ANKRD55: variants seen among roughly 807,000 people sequenced by gnomAD.
ANKRD55 encodes the protein ankyrin repeat domain-containing protein 55.
ANKRD55 carries 41 observed loss-of-function variants against 60.6 expected under a neutral mutation model. The ratio of observed to expected loss-of-function variants is 0.68; its 90% CI spans 0.53 to 0.88. ANKRD55 has a LOEUF of 0.88. Ranked by LOEUF, ANKRD55 falls within the 40% of genes least tolerant of loss-of-function variation. The probability of loss-of-function intolerance (pLI) is 0.00; values close to 1 mark genes in which losing one functional copy is unlikely to be tolerated. For missense variants in ANKRD55, 732 were observed against 767.6 expected, an observed-to-expected ratio of 0.95 and a Z score of 0.55; for synonymous variants, 264 against 290.3, an observed-to-expected ratio of 0.91 and a Z score of 0.92.
chr5:56,127,220 A>G, intron 7 of ANKRD55, 114 bp from the exon 8 acceptor site: 5 of 1,330,966 alleles, frequency 3.8e-6, no homozygotes, highest in Non-Finnish European at 4.8e-6. Flanking sequence ...AGAAAGAAAA[A>G]AGATGAAAAG....
Position 56,183,580 on chromosome 5 carries a change from C to T in ANKRD55, c.113G>A (p.Gly38Glu). ...LTMVYQAASN[G>E]DVNALTAVIR... ...CACTGCAGTCAGAGCATTGACATCT[C>T]CATTAGAGGCTGCTTGATAAACCAT... Residue 38 changes from glycine to glutamate, a missense_variant, in exon 3 of 12, where the codon GGA becomes GAA. By Grantham distance (98) the Gly-to-Glu change is moderately conservative (BLOSUM62 -2). Around this residue, in one of 3 missense-constraint regions of ANKRD55, gnomAD observed 131 missense variants for 142.7 expected, o/e 0.92. Coordinates refer to ENST00000341048, the MANE Select transcript of ANKRD55 (RefSeq NM_024669.3). 1 of 1,614,206 alleles carries T rather than the reference C, an allele frequency of 6.2e-7. No homozygotes were observed. Among genetic ancestry groups the T allele is most frequent in the Non-Finnish European group, 8.5e-7 (1 of 1,180,024 alleles).
intron 7 of ANKRD55, chr5:56,127,444 C>A: frequency 3.0e-6 from 3 of 985,196 alleles, no homozygotes; most frequent in Non-Finnish European, 3.6e-6. Flanking sequence ...TAGACAACAA[C>A]TTGCTCATTA....
At chr5:56,202,735 T>G (rs1561290857) in intron 2 of ANKRD55, among the ~76,000 whole-genome samples, 2 of 152,170 alleles carry the variant, frequency 1.3e-5, no homozygotes, top group Non-Finnish European at 2.9e-5. Context: ...TGCAATCAGA[T>G]CTTTCTTCCT....
intron 11 of ANKRD55, among the ~76,000 whole-genome samples, chr5:56,101,662 C>T (rs558903228): frequency 1.3e-5 from 2 of 152,030 alleles, no homozygotes; most frequent in Non-Finnish European, 2.9e-5. Context: ...CCAGGTAATA[C>T]TTAGGCACAC....
chr5:56,146,346 G>A (rs1757895574), intron 6 of ANKRD55, among the ~76,000 whole-genome samples: 2 of 151,218 alleles, frequency 1.3e-5, no homozygotes, highest in African/African-American at 2.4e-5. Context: ...GTGCAATGGC[G>A]CAATTTCGGC....
At chr5:56,206,298 C>G (rs1759508180) in intron 2 of ANKRD55, among the ~76,000 whole-genome samples, 1 of 152,132 alleles carries the variant, frequency 6.6e-6, no homozygotes, top group South Asian at 2.1e-4. Context: ...TTTCCACATT[C>G]CTTCTTAAAA....
At chr5:56,212,086 ACACG>A (rs1318903585) in intron 2 of ANKRD55, among the ~76,000 whole-genome samples, 5,237 of 85,304 alleles carry the variant, frequency 0.061, 337 homozygotes, top group African/African-American at 0.23. Flanking sequence ...ACACACACAC[ACACG>A]CGTACCTATA....
chr5:56,135,347 CTTTCT>C (rs1482427746), intron 7 of ANKRD55, among the ~76,000 whole-genome samples: 1 of 30,630 alleles, frequency 3.3e-5, no homozygotes, highest in Non-Finnish European at 6.4e-5. Context: ...TTCTTTCTTT[CTTTCT>C]TTCTTTCTTT....
chr5:56,166,201 C>CCTTCCTTCCTTCCT lies in ANKRD55; in HGVS notation c.422+4492_422+4493insAGGAAGGAAGGAAG, dbSNP rs759875553. 4.0e-3 allele frequency among the ~76,000 whole-genome samples: 471 copies of CCTTCCTTCCTTCCT among 117,464 alleles called. 23 individuals are homozygous for CCTTCCTTCCTTCCT. The highest frequency in any genetic ancestry group is 8.3e-3 in the African/African-American group (223 of 26,942). 77.1% of individuals were successfully genotyped at this position (117,464 alleles called of 152,430 possible). On this transcript the variant is annotated intron_variant, in intron 5 of 11. Coordinates refer to ENST00000341048, the MANE Select transcript of ANKRD55 (RefSeq NM_024669.3). Reference sequence around the variant, plus strand: ...TCCTTCCTTCCTTCCTTCCTTCCTTCTCTCTCTCTCTCTCTCTTTCTTTCT... The same window carrying CCTTCCTTCCTTCCT: ...TCCTTCCTTCCTTCCTTCCTTCCTTCCTTCCTTCCTTCCTTCTCTCTCTCTCTCTCTTTCTTTCT...
At chr5:56,116,190 G>T (rs561306939) in intron 9 of ANKRD55, among the ~76,000 whole-genome samples, 1 of 152,196 alleles carries the variant, frequency 6.6e-6, no homozygotes, top group Admixed American at 6.5e-5. Context: ...AAATATTGAC[G>T]GGTTTGACTC....
At chr5:56,189,310 CAAAA>C (rs201026805) in intron 2 of ANKRD55, among the ~76,000 whole-genome samples, 1 of 89,686 alleles carries the variant, frequency 1.1e-5, no homozygotes, top group African/African-American at 4.7e-5. Flanking sequence ...GACTCTGTCT[CAAAA>C]AAAAAAAAAA....
intron 10 of ANKRD55, among the ~76,000 whole-genome samples, chr5:56,103,694 T>G (rs1399283855): frequency 6.6e-6 from 1 of 152,204 alleles, no homozygotes; most frequent in Non-Finnish European, 1.5e-5. Flanking sequence ...AGCATTTAGC[T>G]TATAGGGTAA....
At chr5:56,197,014 TG>T (rs1300062907) in intron 2 of ANKRD55, among the ~76,000 whole-genome samples, 1 of 152,196 alleles carries the variant, frequency 6.6e-6, no homozygotes, top group East Asian at 1.9e-4. Context: ...AAGCAAACTC[TG>T]CAGGTGTCTT....
Position 56,166,146 on chromosome 5 carries a change from CT to C in ANKRD55, c.422+4547del, listed in dbSNP as rs1276480253. ...TCTTTCTTTCTTTCTTTCTTTCTTT[CT>C]TTCTTTCTTCTTTCCTTCCTTCCTT... On this transcript the variant is annotated intron_variant, in intron 5 of 11. Transcript: ENST00000341048. Among the ~76,000 whole-genome samples, 722 of 91,070 alleles carry C rather than the reference CT, an allele frequency of 7.9e-3. 15 individuals carry two copies. The highest frequency in any genetic ancestry group is 0.023 in the African/African-American group (308 of 13,480). The allele number at this position is 91,070 out of a possible 152,430, so 59.7% of individuals were successfully genotyped here. A position where few individuals can be genotyped will look rare whatever the true frequency, so the allele number is the denominator to read the frequency against.
At chr5:56,167,726 TG>T (rs2111808371) in intron 5 of ANKRD55, among the ~76,000 whole-genome samples, 1 of 152,316 alleles carries the variant, frequency 6.6e-6, no homozygotes, top group South Asian at 2.1e-4. Context: ...GGGTGGTGGC[TG>T]GGCTGTTAGG....
chr5:56,113,986 CTATATA>C (rs3055156), intron 9 of ANKRD55, among the ~76,000 whole-genome samples: 20,012 of 138,998 alleles, frequency 0.14, 1,572 homozygotes, highest in South Asian at 0.21. Context: ...AATATGTATA[CTATATA>C]TATATATATA....
At chr5:56,154,368 A>G (rs1205969014) in intron 6 of ANKRD55, among the ~76,000 whole-genome samples, 1 of 152,182 alleles carries the variant, frequency 6.6e-6, no homozygotes, top group Non-Finnish European at 1.5e-5. Context: ...TGTTCAAAAC[A>G]TTGAGCAGCC....
intron 7 of ANKRD55, chr5:56,127,473 C>T: frequency 2.0e-6 from 2 of 984,860 alleles, no homozygotes; most frequent in Non-Finnish European, 2.4e-6. Flanking sequence ...CATTTGTGTC[C>T]CCATTTGCTG....
chr5:56,192,556 T>A (rs1759124544), intron 2 of ANKRD55: 1 of 402,934 alleles, frequency 2.5e-6, no homozygotes, highest in Admixed American at 3.6e-5. Context: ...AGATGGCCTC[T>A]AAATCCTGGC....
Sources: gnomAD v4.1 joint callset for allele counts (sites outside exome capture counted in the v4.1 genomes callset) on GRCh38, gnomAD v4.1.1 for gene constraint, gnomAD v4.1.1 regional missense constraint, MANE v1.5 for transcripts, NCBI Gene and HGNC (gene_info 2026-07-23, HGNC 2026-07-21) for gene names.